Variants in LGR4 observed in about 807,000 individuals in gnomAD.
The protein encoded by LGR4 is leucine-rich repeat-containing G protein-coupled receptor 4.
A neutral mutation model predicts 84.8 loss-of-function variants in LGR4; 44 were observed. The ratio of observed to expected loss-of-function variants is 0.52; its 90% CI spans 0.41 to 0.67. LGR4 has a LOEUF of 0.67. Among genes scored for constraint, LGR4 ranks in the 30% least tolerant of loss-of-function variants. The probability of loss-of-function intolerance (pLI) is 0.00; values close to 1 mark genes in which losing one functional copy is unlikely to be tolerated. For synonymous variants in LGR4, 429 were observed against 434.3 expected, an observed-to-expected ratio of 0.99 and a Z score of 0.15; for missense variants, 1,032 against 1,131.4, an observed-to-expected ratio of 0.91 and a Z score of 1.26.
Position 27,472,290 on chromosome 11 carries a change from G to C in LGR4, c.13C>G (p.Leu5Val). Residue 5 changes from leucine (L) to valine (V), a missense_variant, in exon 1 of 18, where the codon CTA becomes GTA. Coordinates refer to ENST00000379214, the MANE Select transcript of LGR4 (RefSeq NM_018490.5). ...AGGGCGAGGAAGCAGAGCAGCCCTAGCGGGCCCGGCATTGCTGCGGCCGCC... is the reference window on the plus strand; with the variant it reads ...AGGGCGAGGAAGCAGAGCAGCCCTACCGGGCCCGGCATTGCTGCGGCCGCC... MPGPLGLLCFLALGL... is the reference protein window; with the variant it reads MPGPVGLLCFLALGL... 1 of 1,212,832 alleles carries C rather than the reference G, an allele frequency of 8.2e-7. No homozygotes were observed. Among genetic ancestry groups the C allele is most frequent in the Non-Finnish European group, 1.0e-6 (1 of 976,960 alleles). The allele number at this position is 1,212,832 out of a possible 1,614,324, so 75.1% of individuals were successfully genotyped here. A position where few individuals can be genotyped will look rare whatever the true frequency, so the allele number is the denominator to read the frequency against.
At chr11:27,394,817 C>T (rs565675015) in intron 2 of LGR4, among the ~76,000 whole-genome samples, 72 of 152,040 alleles carry the variant, frequency 4.7e-4, no homozygotes, top group African/African-American at 1.2e-3. Flanking sequence ...CACAAGCTAC[C>T]GTCTACTGGT....
chr11:27,446,765 G>A (rs1325004802), intron 1 of LGR4, among the ~76,000 whole-genome samples: 1 of 152,238 alleles, frequency 6.6e-6, no homozygotes, highest in East Asian at 1.9e-4. Context: ...ATTCACAATA[G>A]CAAAGACTTG....
At chr11:27,409,439 A>G (rs1488328104) in intron 2 of LGR4, among the ~76,000 whole-genome samples, 2 of 152,098 alleles carry the variant, frequency 1.3e-5, no homozygotes, top group African/African-American at 4.8e-5. Context: ...GTAAAGCTCT[A>G]AACACATACT....
At chr11:27,469,569 C>T (rs1172285390) in intron 1 of LGR4, among the ~76,000 whole-genome samples, 2 of 152,180 alleles carry the variant, frequency 1.3e-5, no homozygotes, top group Non-Finnish European at 2.9e-5. Context: ...CCCCCCACCC[C>T]TGTCCCCAGG....
chr11:27,403,624 A>T (rs1045557119), intron 2 of LGR4, among the ~76,000 whole-genome samples: 1 of 152,226 alleles, frequency 6.6e-6, no homozygotes, highest in East Asian at 1.9e-4. Context: ...TGGTAAATAT[A>T]GTAGGAGTCT....
chr11:27,393,469 C>T (rs1457940351), intron 2 of LGR4, among the ~76,000 whole-genome samples: 1 of 152,126 alleles, frequency 6.6e-6, no homozygotes, highest in East Asian at 1.9e-4. Flanking sequence ...CTCTTCTACA[C>T]ATGTCTCAGG....
chr11:27,417,224 A>G (rs1863837408), intron 1 of LGR4, among the ~76,000 whole-genome samples: 1 of 152,150 alleles, frequency 6.6e-6, no homozygotes, highest in South Asian at 2.1e-4. Context: ...TCAAGAGAAC[A>G]CAGGGTTCTC....
intron 1 of LGR4, among the ~76,000 whole-genome samples, chr11:27,465,329 T>A (rs1049739894): frequency 6.6e-5 from 10 of 152,226 alleles, no homozygotes; most frequent in African/African-American, 2.4e-4. Flanking sequence ...TGAACCCAGA[T>A]GCATAACGCC....
chr11:27,427,292 G>A (rs1166225843), intron 1 of LGR4, among the ~76,000 whole-genome samples: 2 of 152,102 alleles, frequency 1.3e-5, no homozygotes, highest in Non-Finnish European at 1.5e-5. Flanking sequence ...GATCTTAAGG[G>A]GAAAAAGAGC....
intron 1 of LGR4, 38 bp downstream of exon 1, chr11:27,472,080 T>G: frequency 5.1e-6 from 6 of 1,175,436 alleles, no homozygotes; most frequent in Non-Finnish European, 6.4e-6. Flanking sequence ...GGGCCCCGTT[T>G]CCTCCCCCCC....
At position 27,380,890 on chromosome 11, in the gene LGR4, C is replaced by A; in HGVS notation, c.830+5G>T. 1.3e-6 allele frequency: 2 copies of A among 1,508,288 alleles called. No individual in the cohort carries two copies. Among genetic ancestry groups the A allele is most frequent in the Non-Finnish European group, 1.8e-6 (2 of 1,085,560 alleles). The allele number at this position is 1,508,288 out of a possible 1,614,324, so 93.4% of individuals were successfully genotyped here. On this transcript the variant is annotated splice_donor_5th_base_variant and intron_variant, in intron 8 of 17. Coordinates refer to ENST00000379214, the MANE Select transcript of LGR4 (RefSeq NM_018490.5). ...ACATTAAAAGAAACTTTCAAAAATA[C>A]TTACATAGTTCTTAAGAGTGGATTA...
chr11:27,371,758 T>C, intron 16 of LGR4, 60 bp from the exon 17 acceptor site: 2 of 1,266,544 alleles, frequency 1.6e-6, no homozygotes, highest in Non-Finnish European at 2.3e-6. Flanking sequence ...AAGAACCATA[T>C]TTTCCTGCAA....
At chr11:27,463,142 C>T (rs925154126) in intron 1 of LGR4, among the ~76,000 whole-genome samples, 1 of 148,794 alleles carries the variant, frequency 6.7e-6, no homozygotes, top group African/African-American at 2.5e-5. Flanking sequence ...GTCCTAGCTA[C>T]TTCGGAGACT....
Position 27,387,965 on chromosome 11 carries a change from T to G in LGR4, c.402-2497A>C, listed in dbSNP as rs140262082. On this transcript the variant is annotated intron_variant, in intron 4 of 17. Coordinates refer to ENST00000379214, the MANE Select transcript of LGR4 (RefSeq NM_018490.5). The stretch of plus-strand genomic sequence containing the variant: ...ATTCTGTGTCATCAAGGAAAAAAGA[T>G]AGCCTTAACTTACTGCTAGAAAACT... 1.2e-3 allele frequency among the ~76,000 whole-genome samples: 186 copies of G among 152,266 alleles called. 2 individuals carry two copies. Among genetic ancestry groups the G allele is most frequent in the African/African-American group, 4.3e-3 (178 of 41,562 alleles).
At chr11:27,454,831 A>G (rs1257688053) in intron 1 of LGR4, among the ~76,000 whole-genome samples, 1 of 152,102 alleles carries the variant, frequency 6.6e-6, no homozygotes, top group Non-Finnish European at 1.5e-5. Context: ...TATCTCCTAC[A>G]ATTTCAACAA....
rs1443243504 is a variant in LGR4 at position 27,367,734 on chromosome 11, T to C, written c.*133A>G. ...AAAATGACTGGTTTGAGAAATAAACTGCCACCTCTCCTTCTTCTAAGTGAC... is the reference window on the plus strand; with the variant it reads ...AAAATGACTGGTTTGAGAAATAAACCGCCACCTCTCCTTCTTCTAAGTGAC... On this transcript the variant is annotated 3_prime_UTR_variant, in exon 18 of 18. Coordinates refer to ENST00000379214, the MANE Select transcript of LGR4 (RefSeq NM_018490.5). 12 of 632,938 alleles carry C rather than the reference T, an allele frequency of 1.9e-5. No homozygotes were observed. In the Admixed American group the frequency reaches 3.8e-4, roughly 20 times the overall value. The allele number at this position is 632,938 out of a possible 1,614,324, so 39.2% of individuals were successfully genotyped here. A position where few individuals can be genotyped will look rare whatever the true frequency, so the allele number is the denominator to read the frequency against.
chr11:27,427,510 T>C (rs998311911), intron 1 of LGR4, among the ~76,000 whole-genome samples: 1 of 152,110 alleles, frequency 6.6e-6, no homozygotes, highest in African/African-American at 2.4e-5. Context: ...CCCAGGCTCA[T>C]ATTACAGTTG....
intron 1 of LGR4, among the ~76,000 whole-genome samples, chr11:27,421,216 C>T (rs1034374118): frequency 6.6e-6 from 1 of 152,264 alleles, no homozygotes; most frequent in East Asian, 1.9e-4. Flanking sequence ...ACCTCTAAGG[C>T]CCTTTCTAAA....
rs188735487 is a variant in LGR4 at position 27,370,320 on chromosome 11, C to T, written c.1580-1177G>A. Among the ~76,000 whole-genome samples the T allele has an allele frequency of 2.2e-3, 328 of 152,288 alleles. 1 individual carries two copies. The highest frequency in any genetic ancestry group is 6.8e-3 in the East Asian group (35 of 5,180). ...CCCTTCAGGAAGTGCTAAGAGAAAG[C>T]TCGTTATCACCTTTATCTCTGTTAT... On this transcript the variant is annotated intron_variant, in intron 17 of 17. Coordinates refer to ENST00000379214, the MANE Select transcript of LGR4 (RefSeq NM_018490.5).
Sources: allele counts gnomAD v4.1 joint callset (sites outside exome capture counted in the v4.1 genomes callset), GRCh38; gene constraint gnomAD v4.1.1; transcripts MANE v1.5; gene names NCBI Gene and HGNC (gene_info 2026-07-23, HGNC 2026-07-21).